The following C7orf78 variants were observed in gnomAD, a reference collection of about 807,000 sequenced individuals.
The protein encoded by C7orf78 is chromosome 7 open reading frame 78.
the C7orf78 span, among the ~76,000 whole-genome samples, chr7:12,500,856 G>C: frequency 6.8e-6 from 1 of 147,858 alleles, no homozygotes; most frequent in Non-Finnish European, 1.5e-5. Flanking sequence ...ACTGAATCCA[G>C]CAGCACATCA....
At chr7:12,523,787 G>A in the C7orf78 span, among the ~76,000 whole-genome samples, 1 of 152,036 alleles carries the variant, frequency 6.6e-6, no homozygotes, top group South Asian at 2.1e-4. Flanking sequence ...TAAATTTGTG[G>A]AATAAATTGG....
At chr7:12,488,831 A>G in the C7orf78 span, among the ~76,000 whole-genome samples, 1 of 152,176 alleles carries the variant, frequency 6.6e-6, no homozygotes, top group Non-Finnish European at 1.5e-5. Flanking sequence ...TGCAATTTTA[A>G]CAATGAAATG....
chr7:12,485,789 C>A, the C7orf78 span, among the ~76,000 whole-genome samples: 1 of 133,452 alleles, frequency 7.5e-6, no homozygotes, highest in Non-Finnish European at 1.6e-5. Context: ...CTTTTCTCTA[C>A]ACCATCATTC....
chr7:12,528,743 C>T, the C7orf78 span, among the ~76,000 whole-genome samples: 1 of 152,168 alleles, frequency 6.6e-6, no homozygotes, highest in African/African-American at 2.4e-5. Context: ...GCAGGACTGG[C>T]AGAAAGAATA....
At chr7:12,515,022 G>A in the C7orf78 span, among the ~76,000 whole-genome samples, 1 of 152,124 alleles carries the variant, frequency 6.6e-6, no homozygotes, top group Admixed American at 6.5e-5. Context: ...TAGGTAACTA[G>A]AAGCTTTTCT....
the C7orf78 span, among the ~76,000 whole-genome samples, chr7:12,537,581 A>T: frequency 6.6e-6 from 1 of 152,220 alleles, no homozygotes; most frequent in Non-Finnish European, 1.5e-5. Flanking sequence ...AGTTGGATGT[A>T]TACATACATA....
At chr7:12,538,760 G>GT in the C7orf78 span, among the ~76,000 whole-genome samples, 4 of 152,076 alleles carry the variant, frequency 2.6e-5, no homozygotes, top group Non-Finnish European at 5.9e-5. Flanking sequence ...ACCAAATGGC[G>GT]TGAGTACAGA....
At chr7:12,510,920 T>G in the C7orf78 span, among the ~76,000 whole-genome samples, 1 of 152,330 alleles carries the variant, frequency 6.6e-6, no homozygotes, top group East Asian at 1.9e-4. Flanking sequence ...TTTTTGTTTT[T>G]GTTAGTTATG....
the C7orf78 span, chr7:12,506,750 C>A: frequency 3.3e-6 from 1 of 306,670 alleles, no homozygotes; most frequent in Non-Finnish European, 6.3e-6. Flanking sequence ...TGTAACAAAC[C>A]TGCACATTGT....
the C7orf78 span, among the ~76,000 whole-genome samples, chr7:12,517,139 C>G: frequency 9.2e-5 from 14 of 151,936 alleles, no homozygotes; most frequent in East Asian, 2.3e-3. Context: ...ATGGGAGGGA[C>G]TCGGTGGAAG....
the C7orf78 span, among the ~76,000 whole-genome samples, chr7:12,525,193 T>C: frequency 2.5e-4 from 38 of 152,270 alleles, no homozygotes; most frequent in African/African-American, 8.9e-4. Flanking sequence ...CACTGTTTTG[T>C]GCCACGTTTA....
At chr7:12,538,365 C>A in the C7orf78 span, 1 of 152,148 alleles carries the variant, frequency 6.6e-6, no homozygotes, top group African/African-American at 2.4e-5. Context: ...GCACCTGTCT[C>A]AATCACACTC....
At chr7:12,505,188 T>C in the C7orf78 span, among the ~76,000 whole-genome samples, 1 of 152,068 alleles carries the variant, frequency 6.6e-6, no homozygotes, top group African/African-American at 2.4e-5. Context: ...GGGTTTTACA[T>C]ACAGTTTTCA....
chr7:12,526,383 TA>T, the C7orf78 span, among the ~76,000 whole-genome samples: 1 of 152,156 alleles, frequency 6.6e-6, no homozygotes, highest in African/African-American at 2.4e-5. Context: ...TAATTACTGT[TA>T]TGGTGCCATT....
the C7orf78 span, chr7:12,504,271 C>T: frequency 2.6e-5 from 4 of 152,104 alleles, no homozygotes; most frequent in Non-Finnish European, 5.9e-5. Context: ...GATTTTCAAC[C>T]TTTGGAAATA....
chr7:12,492,902 G>A, the C7orf78 span, among the ~76,000 whole-genome samples: 1 of 152,168 alleles, frequency 6.6e-6, no homozygotes, highest in Non-Finnish European at 1.5e-5. Flanking sequence ...TAGGATATCT[G>A]TTTAAATCTA....
the C7orf78 span, among the ~76,000 whole-genome samples, chr7:12,495,622 T>A: frequency 6.6e-6 from 1 of 152,224 alleles, no homozygotes; most frequent in South Asian, 2.1e-4. Context: ...TTGATATTAC[T>A]TATTTTTTCC....
the C7orf78 span, among the ~76,000 whole-genome samples, chr7:12,524,439 C>T: frequency 2.6e-5 from 4 of 152,026 alleles, no homozygotes; most frequent in African/African-American, 9.7e-5. Flanking sequence ...TATATGTTAC[C>T]TTTTAGAGAT....
the C7orf78 span, chr7:12,483,382 C>G: frequency 6.6e-6 from 1 of 152,160 alleles, no homozygotes; most frequent in Non-Finnish European, 1.5e-5. Flanking sequence ...TTTCTCGAGA[C>G]AGCATCAGTT....
Sources: gnomAD v4.1 joint callset for allele counts (sites outside exome capture counted in the v4.1 genomes callset) on GRCh38, gnomAD v4.1.1 for gene constraint, MANE v1.5 for transcripts, NCBI Gene and HGNC (gene_info 2026-07-23, HGNC 2026-07-21) for gene names.